FOXP1: variants seen among roughly 807,000 people sequenced by gnomAD.
The protein encoded by FOXP1 is forkhead box P1.
In FOXP1, 15 loss-of-function variants were observed where a neutral mutation model predicts 98.2. The observed-to-expected ratio is 0.15, with a 90% confidence interval of 0.10 to 0.24. FOXP1 has a LOEUF of 0.24. FOXP1 is among the 10% of genes least tolerant of loss of function. The pLI, the probability that FOXP1 is intolerant of heterozygous loss-of-function variation, is 1.00. For synonymous variants in FOXP1, 371 were observed against 314.5 expected, an observed-to-expected ratio of 1.18 and a Z score of -1.90; for missense variants, 633 against 848.5, an observed-to-expected ratio of 0.75 and a Z score of 3.15.
intron 13 of FOXP1, 63 bp downstream of exon 13, chr3:71,000,909 C>A: frequency 1.9e-6 from 2 of 1,035,708 alleles, no homozygotes; most frequent in East Asian, 2.4e-5. Context: ...CATTACAGAA[C>A]ACTACAGAAA....
intron 11 of FOXP1, among the ~76,000 whole-genome samples, chr3:71,025,043 T>A (rs2177291): frequency 6.6e-6 from 1 of 152,108 alleles, no homozygotes; most frequent in South Asian, 2.1e-4. Flanking sequence ...AAAGTTTTTA[T>A]GAGTACATCA....
At chr3:71,206,694 A>G (rs1317487142) in intron 5 of FOXP1, among the ~76,000 whole-genome samples, 2 of 152,248 alleles carry the variant, frequency 1.3e-5, no homozygotes, top group Non-Finnish European at 2.9e-5. Context: ...TATTCTTCAG[A>G]ACTGTCTTCA....
chr3:71,217,051 TTTTTA>T (rs1313763527), intron 5 of FOXP1, among the ~76,000 whole-genome samples: 1 of 152,164 alleles, frequency 6.6e-6, no homozygotes, highest in Non-Finnish European at 1.5e-5. Flanking sequence ...TCTATTTTTA[TTTTTA>T]TTTTATTTTA....
chr3:71,564,320 T>C (rs989314987), intron 2 of FOXP1, among the ~76,000 whole-genome samples: 1 of 152,244 alleles, frequency 6.6e-6, no homozygotes, highest in African/African-American at 2.4e-5. Flanking sequence ...GATACAATAG[T>C]AATAATCAGA....
chr3:70,964,840 C>T (rs535910404), intron 20 of FOXP1, among the ~76,000 whole-genome samples: 3 of 152,188 alleles, frequency 2.0e-5, no homozygotes, highest in Non-Finnish European at 4.4e-5. Context: ...CAGATTTCCA[C>T]GTACCCTCCA....
chr3:71,564,045 T>G (rs773504510), intron 2 of FOXP1, among the ~76,000 whole-genome samples: 6 of 152,256 alleles, frequency 3.9e-5, no homozygotes, highest in Non-Finnish European at 5.9e-5. Flanking sequence ...AAGGTTTCAC[T>G]TCCTGTTACT....
chr3:71,537,052 C>A (rs764202529), intron 2 of FOXP1, among the ~76,000 whole-genome samples: 1 of 152,132 alleles, frequency 6.6e-6, no homozygotes, highest in Non-Finnish European at 1.5e-5. Context: ...AAGACTGAGG[C>A]CAAGCGAGCC....
At chr3:71,453,536 G>C (rs770064179) in intron 3 of FOXP1, among the ~76,000 whole-genome samples, 1 of 152,166 alleles carries the variant, frequency 6.6e-6, no homozygotes, top group Non-Finnish European at 1.5e-5. Flanking sequence ...AGCAAACAAT[G>C]TCTGGTACTG....
chr3:71,156,435 A>G (rs72949402), intron 6 of FOXP1, among the ~76,000 whole-genome samples: 3,663 of 152,272 alleles, frequency 0.024, 167 homozygotes, highest in African/African-American at 0.084. Flanking sequence ...TTGTGCTTCA[A>G]TGGAGGGGTG....
At chr3:71,202,736 A>G (rs941058414) in intron 5 of FOXP1, among the ~76,000 whole-genome samples, 2 of 152,230 alleles carry the variant, frequency 1.3e-5, no homozygotes, top group African/African-American at 4.8e-5. Flanking sequence ...AAACTAAGGA[A>G]ATTCCAGAAA....
intron 7 of FOXP1, among the ~76,000 whole-genome samples, chr3:71,063,394 A>G (rs1216342489): frequency 6.6e-6 from 1 of 152,234 alleles, no homozygotes; most frequent in Non-Finnish European, 1.5e-5. Flanking sequence ...CAAACCCTAA[A>G]CTAGAATCTT....
At chr3:70,990,591 G>T (rs1474785347) in intron 13 of FOXP1, among the ~76,000 whole-genome samples, 1 of 152,154 alleles carries the variant, frequency 6.6e-6, no homozygotes, top group Non-Finnish European at 1.5e-5. Context: ...AGAAAAGGAG[G>T]TTGAGACATT....
chr3:71,337,422 T>C (rs1264933860), intron 4 of FOXP1, among the ~76,000 whole-genome samples: 1 of 152,238 alleles, frequency 6.6e-6, no homozygotes, highest in African/African-American at 2.4e-5. Flanking sequence ...AGTATGGAAA[T>C]AGGACATCTG....
chr3:70,984,962 T>C (rs900870439), intron 14 of FOXP1, among the ~76,000 whole-genome samples: 4 of 152,188 alleles, frequency 2.6e-5, no homozygotes, highest in Non-Finnish European at 5.9e-5. Flanking sequence ...TTTGATGCAA[T>C]GAAATGAGGA....
At chr3:71,076,563 A>G (rs1230763642) in intron 7 of FOXP1, among the ~76,000 whole-genome samples, 1 of 152,204 alleles carries the variant, frequency 6.6e-6, no homozygotes, top group African/African-American at 2.4e-5. Context: ...GGCAGACAAC[A>G]TGAGTCAGAA....
chr3:71,235,600 T>A (rs2066701596), intron 5 of FOXP1, among the ~76,000 whole-genome samples: 1 of 152,116 alleles, frequency 6.6e-6, no homozygotes, highest in South Asian at 2.1e-4. Flanking sequence ...GGAGTCTCAC[T>A]CTGTTGCCCA....
rs72628629 is a variant in FOXP1, at chr3:71,301,840, A to G, written c.-72-1960T>C. ...TTTTCTACTCACCTATCCACACAGT[A>G]TAGTGTGTAAGTGAACACAGAACAA... On this transcript the variant is annotated intron_variant, in intron 4 of 20. Transcript: ENST00000649528. Among the ~76,000 whole-genome samples, 252 of 152,360 alleles carry G rather than the reference A, an allele frequency of 1.7e-3. 2 individuals carry two copies. The East Asian group carries it at 0.042, about 26-fold the overall frequency.
At chr3:71,075,116 G>A (rs2053660382) in intron 7 of FOXP1, among the ~76,000 whole-genome samples, 1 of 152,206 alleles carries the variant, frequency 6.6e-6, no homozygotes, top group South Asian at 2.1e-4. Context: ...AAAAGGCAAG[G>A]AGAGAATTCA....
chr3:71,349,159 A>G (rs145084296), intron 4 of FOXP1, among the ~76,000 whole-genome samples: 62 of 128,450 alleles, frequency 4.8e-4, no homozygotes, highest in African/African-American at 1.4e-3. Flanking sequence ...TAATCAAGGT[A>G]TTAAATCAGC....
Sources: gnomAD v4.1 joint callset for allele counts (sites outside exome capture counted in the v4.1 genomes callset) on GRCh38, gnomAD v4.1.1 for gene constraint, MANE v1.5 for transcripts, NCBI Gene and HGNC (gene_info 2026-07-23, HGNC 2026-07-21) for gene names.